Variants in TTC13 observed in about 807,000 individuals in gnomAD.
TTC13 encodes the protein tetratricopeptide repeat domain 13, also known as tetratricopeptide repeat protein 13.
In TTC13, 62 loss-of-function variants were observed where a neutral mutation model predicts 120.0. The ratio of observed to expected loss-of-function variants is 0.52; its 90% confidence interval spans 0.42 to 0.64. TTC13 has a LOEUF of 0.64. Ranked by LOEUF, TTC13 falls within the 30% of genes least tolerant of loss-of-function variation. The pLI is 0.00. For synonymous variants in TTC13, 384 were observed against 393.5 expected, an observed-to-expected ratio of 0.98 and a Z score of 0.28; for missense variants, 824 against 1,050.2, an observed-to-expected ratio of 0.78 and a Z score of 2.98.
In TTC13 at chr1:230,912,685, C is replaced by T; in HGVS notation, c.2167G>A (p.Asp723Asn). ...ERTQLYHAEI[D>N]ALYKDLTAKG... is the part of the protein sequence containing the mutation. ...GCTGTCAAATCTTTATAAAGTGCAT[C>T]TATTTCAGCATGATATAATTGTGTC... The change falls in exon 19 of 23, where the codon GAT becomes AAT. Residue 723 changes from aspartate to asparagine, a missense_variant. Asp to Asn is a conservative substitution (Grantham distance 23). Transcript: ENST00000366661. 1 of 1,612,714 alleles carries T rather than the reference C, an allele frequency of 6.2e-7. No homozygotes were observed. The highest frequency in any genetic ancestry group is 1.1e-5 in the South Asian group (1 of 90,936).
chr1:230,949,646 T>A (rs1312587781), intron 4 of TTC13, among the ~76,000 whole-genome samples: 2 of 151,842 alleles, frequency 1.3e-5, no homozygotes, highest in African/African-American at 2.4e-5. Context: ...TCTTTCCTTT[T>A]TTTTTTATTT....
chr1:230,966,795 A>T (rs531696541), intron 1 of TTC13, among the ~76,000 whole-genome samples: 28 of 152,336 alleles, frequency 1.8e-4, no homozygotes, highest in African/African-American at 6.7e-4. Flanking sequence ...TCCCCATTTC[A>T]AAGATGAGGA....
intron 4 of TTC13, among the ~76,000 whole-genome samples, chr1:230,947,550 A>T (rs12564517): frequency 0.44 from 66,908 of 151,584 alleles, 16,018 homozygotes; most frequent in Admixed American, 0.56. Flanking sequence ...CACTAATGAT[A>T]ACTAATGAGC....
At chr1:230,916,144 C>T in intron 18 of TTC13, 49 bp downstream of exon 18, 2 of 1,350,294 alleles carry the variant, frequency 1.5e-6, no homozygotes, top group Non-Finnish European at 2.1e-6. Context: ...GCACAGGCAC[C>T]CTTCCTGCCT....
intron 12 of TTC13, among the ~76,000 whole-genome samples, chr1:230,926,583 T>A (rs1392297367): frequency 6.6e-6 from 1 of 152,092 alleles, no homozygotes; most frequent in Non-Finnish European, 1.5e-5. Flanking sequence ...CCCCTCGAAA[T>A]CCAAGTTCCC....
chr1:230,945,420 C>T lies in TTC13; in HGVS notation c.548G>A (p.Arg183Gln), dbSNP rs773606724. 11 of 1,613,974 alleles carry T rather than the reference C, an allele frequency of 6.8e-6. No homozygotes were observed. The highest frequency in any genetic ancestry group is 8.5e-6 in the Non-Finnish European group (10 of 1,179,988). The change falls in exon 5 of 23, where the codon CGA (arginine) becomes CAA (glutamine). Residue 183 changes from arginine to glutamine, a missense_variant. This residue lies in a region of TTC13 where 430 missense variants were observed against 626.8 expected (regional missense o/e 0.69). Transcript: ENST00000366661. ...TCCCTTCTTTCCATAGGCTATCCCT[C>T]GGCCATAAATTGCACTAACCAGATC... ...EPDLVSAIYG[R>Q]GIAYGKKGLH...
At position 230,962,979 on chromosome 1, in the gene TTC13, T is replaced by C. The variant is rs140604125; in HGVS notation, c.272-1676A>G. On this transcript the variant is annotated intron_variant, in intron 1 of 22. Transcript: ENST00000366661. ...TGCTTAATGAGTAAGGGGTTTTATT[T>C]TGGAGTGTTGAAAACAACTTGGGGT... 3.7e-3 allele frequency among the ~76,000 whole-genome samples: 563 copies of C among 152,246 alleles called. 6 individuals carry two copies. Among genetic ancestry groups the C allele is most frequent in the African/African-American group, 0.013 (545 of 41,536 alleles).
chr1:230,969,151 A>G (rs1289160918), intron 1 of TTC13, among the ~76,000 whole-genome samples: 6 of 71,754 alleles, frequency 8.4e-5, no homozygotes, highest in Non-Finnish European at 1.1e-4. Context: ...AGTCCCAGCT[A>G]TCCGAGAGGC....
chr1:230,978,475 C>G lies in TTC13; in HGVS notation c.271+85G>C. The G allele has an allele frequency of 5.4e-6, 2 of 371,044 alleles. No individual in the cohort carries two copies. The highest frequency in any genetic ancestry group is 9.2e-5 in the East Asian group (2 of 21,634). The allele number at this position is 371,044 out of a possible 1,614,324, so 23.0% of individuals were successfully genotyped here. On this transcript the variant is annotated intron_variant, in intron 1 of 22. Coordinates refer to ENST00000366661, the MANE Select transcript of TTC13 (RefSeq NM_024525.5). The surrounding 1 kb of genome is among the most constrained non-coding windows in gnomAD (Gnocchi z 5.6). ...GCGCCGCAGCCGGAGGCGTGAGGCC[C>G]GGGCGACCCGTACCCCGGCCCGGGA... is the stretch of plus-strand genomic sequence containing the variant.
At chr1:230,967,571 T>C (rs545172955) in intron 1 of TTC13, among the ~76,000 whole-genome samples, 1 of 152,332 alleles carries the variant, frequency 6.6e-6, no homozygotes, top group South Asian at 2.1e-4. Context: ...CAAACTCTGA[T>C]TGAGGTAGAT....
intron 16 of TTC13, 151 bp downstream of exon 16, chr1:230,921,270 T>C: frequency 4.0e-6 from 2 of 495,184 alleles, no homozygotes; most frequent in Non-Finnish European, 7.2e-6. Context: ...AAAGTGATTA[T>C]GAAAGCCTTT....
At chr1:230,949,686 C>T (rs960879588) in intron 4 of TTC13, among the ~76,000 whole-genome samples, 55 of 152,164 alleles carry the variant, frequency 3.6e-4, no homozygotes, top group African/African-American at 1.3e-3. Flanking sequence ...CTCGCTGTCG[C>T]CCAGGCTGGA....
intron 9 of TTC13, 53 bp from the exon 10 acceptor site, chr1:230,931,930 C>G: frequency 2.6e-6 from 4 of 1,550,770 alleles, no homozygotes; most frequent in Non-Finnish European, 3.5e-6. Context: ...GGGAAACATA[C>G]AGAATAAGCT....
Position 230,940,631 on chromosome 1 carries a change from A to T in TTC13, c.673-75T>A. 1.1e-6 allele frequency: 1 copy of T among 924,062 alleles called. No individual in the cohort carries two copies. Among genetic ancestry groups the T allele is most frequent in the Non-Finnish European group, 1.7e-6 (1 of 572,332 alleles). The allele number at this position is 924,062 out of a possible 1,614,324, so 57.2% of individuals were successfully genotyped here. ...AAATCCCAATGTTTTTGACTCTTCAATTCCACCTCACCATACTCCACTCAA... is the reference window on the plus strand; with the variant it reads ...AAATCCCAATGTTTTTGACTCTTCATTTCCACCTCACCATACTCCACTCAA... On this transcript the variant is annotated intron_variant, in intron 6 of 22. Coordinates refer to ENST00000366661, the MANE Select transcript of TTC13 (RefSeq NM_024525.5). This position sits in a 1 kb window ranked among gnomAD's most constrained non-coding sequence, Gnocchi z 4.1.
intron 20 of TTC13, among the ~76,000 whole-genome samples, chr1:230,909,403 G>T (rs1430577863): frequency 6.6e-6 from 1 of 152,164 alleles, no homozygotes; most frequent in Non-Finnish European, 1.5e-5. Flanking sequence ...GGCCGAGGTG[G>T]GTGGATCACT....
Position 230,978,727 on chromosome 1 carries a change from A to T in TTC13, c.104T>A (p.Leu35Gln), listed in dbSNP as rs749782280. 2 of 1,496,562 alleles carry T rather than the reference A, an allele frequency of 1.3e-6. No individual in the cohort carries two copies. The highest frequency in any genetic ancestry group is 1.2e-5 in the South Asian group (1 of 80,218). The allele number at this position is 1,496,562 out of a possible 1,614,324, so 92.7% of individuals were successfully genotyped here. A position where few individuals can be genotyped will look rare whatever the true frequency, so the allele number is the denominator to read the frequency against. ...GGCGCCTGGCCGCAGCCCGGCGGACAGGACCCCCAGCAGCAGCAGCAGCAG... is the reference window on the plus strand; with the variant it reads ...GGCGCCTGGCCGCAGCCCGGCGGACTGGACCCCCAGCAGCAGCAGCAGCAG... Reference protein sequence around the residue: ...RVLLLLLLGVLSAGLRPGALA... With the variant: ...RVLLLLLLGVQSAGLRPGALA... The change falls in exon 1 of 23, where the codon CTG becomes CAG. Residue 35 changes from leucine to glutamine, a missense_variant. Leu to Gln is a moderately radical substitution (Grantham distance 113). Coordinates refer to ENST00000366661, the MANE Select transcript of TTC13 (RefSeq NM_024525.5). This position sits in a 1 kb window ranked among gnomAD's most constrained non-coding sequence, Gnocchi z 5.6.
chr1:230,942,509 C>T lies in TTC13; in HGVS notation c.672+1297G>A, dbSNP rs1486627911. Among the ~76,000 whole-genome samples the T allele has an allele frequency of 6.6e-6, 1 of 152,134 alleles. No individual in the cohort carries two copies. The highest frequency in any genetic ancestry group is 6.6e-5 in the Admixed American group (1 of 15,266). On this transcript the variant is annotated intron_variant, in intron 6 of 22. Transcript: ENST00000366661. This position sits in a 1 kb window ranked among gnomAD's most constrained non-coding sequence, Gnocchi z 4.0. ...CACAATAATCTTAAGAACAAAAATACCATAAATACAGTTTTTAAATTCCTA... is the reference window on the plus strand; with the variant it reads ...CACAATAATCTTAAGAACAAAAATATCATAAATACAGTTTTTAAATTCCTA...
At chr1:230,977,574 T>G (rs1678447506) in intron 1 of TTC13, among the ~76,000 whole-genome samples, 1 of 151,158 alleles carries the variant, frequency 6.6e-6, no homozygotes, top group South Asian at 2.1e-4. Context: ...AATCTTGACG[T>G]CTCATCTCAA....
rs1157441384 is a variant in TTC13 at position 230,924,915 on chromosome 1, C to A, written c.1647G>T (p.Ser549=). Residue 549 remains serine, a synonymous_variant, in exon 14 of 23, where the codon TCG becomes TCT. Coordinates refer to ENST00000366661, the MANE Select transcript of TTC13 (RefSeq NM_024525.5). ...MQAVQRTWTN[S]KVRMNGKTRL... is the part of the protein sequence containing the mutation. ...GTGTCTTCCCATTCATTCGAACTTTCGAGTTGGTCCATGTACGCTGCACGG... is the reference window on the plus strand; with the variant it reads ...GTGTCTTCCCATTCATTCGAACTTTAGAGTTGGTCCATGTACGCTGCACGG... 1.2e-6 allele frequency: 2 copies of A among 1,614,100 alleles called. No individual in the cohort carries two copies. The highest frequency in any genetic ancestry group is 1.7e-6 in the Non-Finnish European group (2 of 1,180,054).
Sources: allele counts gnomAD v4.1 joint callset (sites outside exome capture counted in the v4.1 genomes callset), GRCh38; gene constraint gnomAD v4.1.1; regional missense constraint gnomAD v4.1.1; non-coding constraint Gnocchi (gnomAD v3.1); transcripts MANE v1.5; gene names NCBI Gene and HGNC (gene_info 2026-07-23, HGNC 2026-07-21).